Variants in SLC25A42 observed in about 807,000 individuals in gnomAD.
The protein encoded by SLC25A42 is mitochondrial coenzyme A transporter SLC25A42.
In SLC25A42, 19 loss-of-function variants were observed where a neutral mutation model predicts 34.7. That is an observed-to-expected ratio of 0.55 (90% confidence interval 0.38 to 0.80). The LOEUF is 0.80. Among genes scored for constraint, SLC25A42 ranks in the 30% least tolerant of loss-of-function variants. The probability of loss-of-function intolerance (pLI) is 0.00; values close to 1 mark genes in which losing one functional copy is unlikely to be tolerated. For synonymous variants in SLC25A42, 205 were observed against 191.2 expected, an observed-to-expected ratio of 1.07 and a Z score of -0.59; for missense variants, 364 against 441.3, an observed-to-expected ratio of 0.82 and a Z score of 1.57.
chr19:19,087,390 C>A (rs1226335441), intron 1 of SLC25A42, among the ~76,000 whole-genome samples: 2 of 152,074 alleles, frequency 1.3e-5, no homozygotes, highest in Non-Finnish European at 2.9e-5. Context: ...CAGGTTCAAG[C>A]GATTCTCCTG....
chr19:19,084,111 C>T (rs1314248039), intron 1 of SLC25A42, among the ~76,000 whole-genome samples: 1 of 152,108 alleles, frequency 6.6e-6, no homozygotes, highest in Non-Finnish European at 1.5e-5. Flanking sequence ...CCTGCACACA[C>T]CTGCCCATAC....
At position 19,101,761 on chromosome 19, in the gene SLC25A42, G is replaced by C. The variant is rs374375361; in HGVS notation, c.82-20G>C. The C allele has an allele frequency of 3.7e-6, 6 of 1,605,440 alleles. No homozygotes were observed. The highest frequency in any genetic ancestry group is 5.1e-6 in the Non-Finnish European group (6 of 1,175,498). On this transcript the variant is annotated intron_variant, in intron 2 of 7. Coordinates refer to ENST00000318596, the MANE Select transcript of SLC25A42 (RefSeq NM_178526.5). ...GCCGCCCCCCTGCCCTCTGACCTCT[G>C]ATCACATGTTCTGTTGCAGCGTGAC...
intron 1 of SLC25A42, among the ~76,000 whole-genome samples, chr19:19,068,611 C>T (rs1330164696): frequency 6.6e-6 from 1 of 150,458 alleles, no homozygotes; most frequent in Non-Finnish European, 1.5e-5. Flanking sequence ...GAGGTTGCAG[C>T]GAGCCAAGAT....
At chr19:19,105,457 C>A in intron 4 of SLC25A42, 104 bp from the exon 5 acceptor site, 2 of 1,394,226 alleles carry the variant, frequency 1.4e-6, no homozygotes, top group Non-Finnish European at 1.9e-6. Context: ...GAGATGGGGT[C>A]ACCCCGGCCC....
rs773263941 is a variant in SLC25A42, at chr19:19,105,554, T to C, written c.214-7T>C. Reference sequence around the variant, plus strand: ...AGAGGGATGTTGACCTTCCCGCTTATCTCCAGGAGGCCTTCCGGGTCCTCT... The same window carrying C: ...AGAGGGATGTTGACCTTCCCGCTTACCTCCAGGAGGCCTTCCGGGTCCTCT... On this transcript the variant is annotated splice_polypyrimidine_tract_variant and splice_region_variant and intron_variant, in intron 4 of 7. Coordinates refer to ENST00000318596, the MANE Select transcript of SLC25A42 (RefSeq NM_178526.5). The C allele has an allele frequency of 4.4e-6, 7 of 1,608,004 alleles. No homozygotes were observed. In the South Asian group the frequency reaches 7.7e-5, roughly 18 times the overall value.
At chr19:19,068,278 C>T (rs958664251) in intron 1 of SLC25A42, among the ~76,000 whole-genome samples, 1 of 151,726 alleles carries the variant, frequency 6.6e-6, no homozygotes, top group Non-Finnish European at 1.5e-5. Context: ...TTGCTTGAAC[C>T]CGGGAGTTGG....
intron 3 of SLC25A42, 71 bp from the exon 4 acceptor site, chr19:19,104,842 G>A (rs1436996136): frequency 1.2e-5 from 19 of 1,575,188 alleles, no homozygotes; most frequent in Non-Finnish European, 9.6e-6. Flanking sequence ...TGGGTGCCAG[G>A]GGTGGGGCCA....
At chr19:19,092,576 G>A (rs1024782545) in intron 1 of SLC25A42, among the ~76,000 whole-genome samples, 1 of 152,192 alleles carries the variant, frequency 6.6e-6, no homozygotes, top group African/African-American at 2.4e-5. Flanking sequence ...TGCCCTTCTG[G>A]GGAGACTGTT....
At chr19:19,085,682 A>G (rs546163903) in intron 1 of SLC25A42, among the ~76,000 whole-genome samples, 6 of 152,244 alleles carry the variant, frequency 3.9e-5, no homozygotes, top group East Asian at 3.9e-4. Flanking sequence ...AATAGCCACT[A>G]TTGTGTTGTA....
At chr19:19,069,779 T>TG (rs1436797007) in intron 1 of SLC25A42, among the ~76,000 whole-genome samples, 1 of 152,034 alleles carries the variant, frequency 6.6e-6, no homozygotes, top group Non-Finnish European at 1.5e-5. Flanking sequence ...TTCAGCCTGC[T>TG]GAGTAGCTGG....
chr19:19,105,650 G>A lies in SLC25A42; in HGVS notation c.303G>A (p.Val101=). The A allele has an allele frequency of 6.2e-7, 1 of 1,613,526 alleles. No homozygotes were observed. Among genetic ancestry groups the A allele is most frequent in the Non-Finnish European group, 8.5e-7 (1 of 1,179,862 alleles). ...RGNSATMVRV[V]PYAAIQFSAH... is the part of the protein sequence containing the mutation. ...ACTCGGCCACCATGGTGCGCGTGGTGCCCTACGCCGCCATCCAGTTCAGCG... is the reference window on the plus strand; with the variant it reads ...ACTCGGCCACCATGGTGCGCGTGGTACCCTACGCCGCCATCCAGTTCAGCG... Residue 101 remains valine (V), a synonymous_variant, in exon 5 of 8, where the codon GTG becomes GTA. Transcript: ENST00000318596.
chr19:19,074,847 T>G (rs2059648370), intron 1 of SLC25A42, among the ~76,000 whole-genome samples: 1 of 151,962 alleles, frequency 6.6e-6, no homozygotes, highest in Non-Finnish European at 1.5e-5. Context: ...ATTGCCTGAT[T>G]CAGAACAAGA....
Position 19,107,639 on chromosome 19 carries a change from C to G in SLC25A42, c.498-255C>G, listed in dbSNP as rs1200973813. Among the ~76,000 whole-genome samples the G allele has an allele frequency of 2.0e-5, 3 of 151,948 alleles. No individual in the cohort carries two copies. The East Asian group carries it at 5.8e-4, about 29-fold the overall frequency. On this transcript the variant is annotated intron_variant, in intron 6 of 7. Coordinates refer to ENST00000318596, the MANE Select transcript of SLC25A42 (RefSeq NM_178526.5). ...GAGGGAGACTGTCTCAAAACAAAAA[C>G]AAAGAAACAAAAAAAAAGACAAGGG...
intron 1 of SLC25A42, among the ~76,000 whole-genome samples, chr19:19,089,885 A>AACAAAAAC (rs944133995): frequency 1.7e-4 from 26 of 152,150 alleles, no homozygotes; most frequent in African/African-American, 6.3e-4. Context: ...CAAAAACAAA[A>AACAAAAAC]AACACCTCTA....
At chr19:19,097,920 G>A (rs1032942269) in intron 2 of SLC25A42, among the ~76,000 whole-genome samples, 3 of 150,680 alleles carry the variant, frequency 2.0e-5, no homozygotes, top group African/African-American at 7.3e-5. Context: ...CTGAGATCAC[G>A]CCACTGCACT....
chr19:19,102,967 C>T (rs945922544), intron 3 of SLC25A42, among the ~76,000 whole-genome samples: 53 of 152,052 alleles, frequency 3.5e-4, no homozygotes, highest in South Asian at 2.1e-4. Flanking sequence ...TTGCTTCTTC[C>T]GGCTTCTGGG....
In SLC25A42 at chr19:19,105,598, A is replaced by G. The variant is rs2059821710; in HGVS notation, c.251A>G (p.Glu84Gly). ...GTCCTCTACTACACCTACCTCAACG[A>G]GGGATTTCTCAGCTTGTGGCGCGGG... ...FRVLYYTYLN[E>G]GFLSLWRGNS... The change falls in exon 5 of 8, where the codon GAG (glutamate) becomes GGG (glycine). Residue 84 changes from glutamate (E) to glycine (G), a missense_variant. Physicochemically the swap from Glu to Gly is moderately conservative, Grantham distance 98. Transcript: ENST00000318596. The G allele has an allele frequency of 6.2e-7, 1 of 1,613,924 alleles. No homozygotes were observed. Among genetic ancestry groups the G allele is most frequent in the South Asian group, 1.1e-5 (1 of 91,064 alleles).
chr19:19,068,827 C>T (rs899312170), intron 1 of SLC25A42, among the ~76,000 whole-genome samples: 8 of 148,250 alleles, frequency 5.4e-5, no homozygotes, highest in African/African-American at 1.3e-4. Flanking sequence ...GACAGAGCGA[C>T]ACTCAGTCTC....
In SLC25A42 at chr19:19,110,898, G is replaced by C. The variant is rs188474907; in HGVS notation, c.*22G>C. 195 of 1,612,866 alleles carry C rather than the reference G, an allele frequency of 1.2e-4. 1 individual carries two copies. The South Asian group carries it at 2.1e-3, about 17-fold the overall frequency. On this transcript the variant is annotated 3_prime_UTR_variant, in exon 8 of 8. Transcript: ENST00000318596. ...CTAGGGGACCCTGAGCTGCTCTCAG[G>C]ACGGTGGACCGGTGACCCCTTTGTA...
Sources: allele counts gnomAD v4.1 joint callset (sites outside exome capture counted in the v4.1 genomes callset), GRCh38; gene constraint gnomAD v4.1.1; transcripts MANE v1.5; gene names NCBI Gene and HGNC (gene_info 2026-07-23, HGNC 2026-07-21).